Variants in TBC1D8 observed in about 807,000 individuals in gnomAD.
TBC1D8 encodes TBC1 domain family member 8.
Under a neutral mutation model 118.8 loss-of-function variants are expected in TBC1D8, and 65 were observed. The observed-to-expected ratio is 0.55, with a 90% confidence interval of 0.45 to 0.67. TBC1D8 has a LOEUF of 0.67. Ranked by LOEUF, TBC1D8 falls within the 30% of genes least tolerant of loss-of-function variation. The probability of loss-of-function intolerance (pLI) is 0.00; values close to 1 mark genes in which losing one functional copy is unlikely to be tolerated. For synonymous variants in TBC1D8, 566 were observed against 595.8 expected, an observed-to-expected ratio of 0.95 and a Z score of 0.73; for missense variants, 1,376 against 1,471.2, an observed-to-expected ratio of 0.94 and a Z score of 1.06.
At chr2:101,110,287 A>C (rs1223639432) in intron 1 of TBC1D8, among the ~76,000 whole-genome samples, 2 of 152,206 alleles carry the variant, frequency 1.3e-5, no homozygotes, top group Non-Finnish European at 2.9e-5. Flanking sequence ...TTTTATAACC[A>C]CTGTGTTGGG....
chr2:101,020,895 T>C (rs76062531), intron 17 of TBC1D8, among the ~76,000 whole-genome samples: 13 of 152,320 alleles, frequency 8.5e-5, no homozygotes, highest in African/African-American at 2.6e-4. Flanking sequence ...GGTGATCAGA[T>C]TGAAAAAATC....
intron 8 of TBC1D8, among the ~76,000 whole-genome samples, chr2:101,036,936 G>A (rs1314825847): frequency 1.3e-5 from 2 of 152,170 alleles, no homozygotes; most frequent in East Asian, 1.9e-4. Context: ...TTTTACAGGA[G>A]CCATTAAAGC....
chr2:101,008,234 A>C lies in TBC1D8; in HGVS notation c.3055T>G (p.Phe1019Val). Residue 1019 changes from phenylalanine (F) to valine (V), a missense_variant, in exon 20 of 20, where the codon TTC becomes GTC. Physicochemically the swap from Phe to Val is conservative, Grantham distance 50. Transcript: ENST00000409318. ...IQFCKTLYSM[F>V]HEDPEENDLY... The stretch of plus-strand genomic sequence containing the variant: ...TCATTTTCTTCTGGATCTTCATGGA[A>C]CATACTGTACAGAGTTTTACAGAAC... The C allele has an allele frequency of 6.3e-7, 1 of 1,587,724 alleles. No individual in the cohort carries two copies. Among genetic ancestry groups the C allele is most frequent in the South Asian group, 1.1e-5 (1 of 87,152 alleles).
intron 1 of TBC1D8, among the ~76,000 whole-genome samples, chr2:101,146,917 A>G (rs552079265): frequency 6.6e-6 from 1 of 152,252 alleles, no homozygotes; most frequent in Admixed American, 6.5e-5. Flanking sequence ...TTATAATACC[A>G]ACTTTTTAAG....
chr2:101,027,916 T>G (rs1305559552), intron 14 of TBC1D8, 132 bp downstream of exon 14: 1 of 781,546 alleles, frequency 1.3e-6, no homozygotes, highest in South Asian at 1.7e-5. Flanking sequence ...ACTTCACCCT[T>G]AAGTTGTTAA....
intron 1 of TBC1D8, among the ~76,000 whole-genome samples, chr2:101,147,327 T>C (rs976661711): frequency 5.9e-5 from 9 of 152,168 alleles, no homozygotes; most frequent in Admixed American, 5.2e-4. Context: ...TTCGAATATA[T>C]ACCCAGTAGC....
At chr2:101,066,021 C>T (rs1364786393) in intron 2 of TBC1D8, among the ~76,000 whole-genome samples, 1 of 152,156 alleles carries the variant, frequency 6.6e-6, no homozygotes, top group African/African-American at 2.4e-5. Flanking sequence ...GTGGCTCATG[C>T]CTGTAATCTC....
intron 1 of TBC1D8, among the ~76,000 whole-genome samples, chr2:101,093,843 G>A (rs576365461): frequency 1.4e-4 from 21 of 152,176 alleles, no homozygotes; most frequent in Non-Finnish European, 2.5e-4. Flanking sequence ...CCAAGTAGCC[G>A]AGATTACAGG....
intron 5 of TBC1D8, among the ~76,000 whole-genome samples, chr2:101,048,740 TAA>T (rs35930111): frequency 3.3e-4 from 43 of 132,226 alleles, no homozygotes; most frequent in African/African-American, 1.4e-3. Flanking sequence ...TAAGTCTTTT[TAA>T]AAAAAAAAAA....
intron 17 of TBC1D8, among the ~76,000 whole-genome samples, chr2:101,011,959 G>C (rs1404157506): frequency 1.3e-5 from 2 of 152,182 alleles, no homozygotes; most frequent in African/African-American, 4.8e-5. Context: ...TTTCAGGATA[G>C]TATTTCTCTA....
chr2:101,035,134 C>T (rs1304479717), intron 9 of TBC1D8, among the ~76,000 whole-genome samples: 3 of 152,144 alleles, frequency 2.0e-5, no homozygotes, highest in Non-Finnish European at 2.9e-5. Context: ...GGAAGAGTAA[C>T]GGAGCAGGGC....
At chr2:101,042,649 C>G (rs1422290139) in intron 5 of TBC1D8, among the ~76,000 whole-genome samples, 5 of 152,030 alleles carry the variant, frequency 3.3e-5, no homozygotes, top group Non-Finnish European at 5.9e-5. Flanking sequence ...TGTACAAGGG[C>G]TTTATCTTAA....
At chr2:101,124,145 C>A (rs1216853575) in intron 1 of TBC1D8, among the ~76,000 whole-genome samples, 1 of 152,194 alleles carries the variant, frequency 6.6e-6, no homozygotes, top group Non-Finnish European at 1.5e-5. Flanking sequence ...CCTCCCACTG[C>A]CACTGGATCT....
At chr2:101,137,927 G>A (rs568796548) in intron 1 of TBC1D8, among the ~76,000 whole-genome samples, 2 of 152,268 alleles carry the variant, frequency 1.3e-5, no homozygotes, top group Admixed American at 6.5e-5. Flanking sequence ...AAATACCCGC[G>A]ACTGGGTAAT....
At chr2:101,011,422 G>C (rs1254672319) in intron 18 of TBC1D8, 29 bp downstream of exon 18, 2 of 1,611,518 alleles carry the variant, frequency 1.2e-6, no homozygotes, top group East Asian at 4.5e-5. Context: ...GGTATGCAGG[G>C]GAAAGCAACA....
At chr2:101,072,065 T>A (rs938562086) in intron 2 of TBC1D8, among the ~76,000 whole-genome samples, 2 of 152,240 alleles carry the variant, frequency 1.3e-5, no homozygotes, top group Non-Finnish European at 2.9e-5. Flanking sequence ...TCCTTGTACA[T>A]CTTCATCAAG....
chr2:101,041,564 T>C (rs1023343921), intron 5 of TBC1D8, among the ~76,000 whole-genome samples: 3 of 152,140 alleles, frequency 2.0e-5, no homozygotes, highest in Non-Finnish European at 2.9e-5. Context: ...TGACTGCTCA[T>C]GGGTACATGG....
At chr2:101,052,580 G>A (rs796082700) in intron 4 of TBC1D8, among the ~76,000 whole-genome samples, 9 of 151,402 alleles carry the variant, frequency 5.9e-5, no homozygotes, top group African/African-American at 2.2e-4. Context: ...GGGTTCAAGC[G>A]ATTCTCGTGC....
rs533394868 is a variant in TBC1D8, at chr2:101,028,037, C to T, written c.2451+11G>A. 1 of 1,613,688 alleles carries T rather than the reference C, an allele frequency of 6.2e-7. No individual in the cohort carries two copies. The highest frequency in any genetic ancestry group is 1.1e-5 in the South Asian group (1 of 91,078). On this transcript the variant is annotated intron_variant, in intron 14 of 19. Coordinates refer to ENST00000409318, the MANE Select transcript of TBC1D8 (RefSeq NM_001330348.2). Reference sequence around the variant, plus strand: ...TACCGTGATCACCGGGGTGAGGCGTCTGCTACCCACCACGTTCTGCTTTGT... The same window carrying T: ...TACCGTGATCACCGGGGTGAGGCGTTTGCTACCCACCACGTTCTGCTTTGT...
Sources: gnomAD v4.1 joint callset for allele counts (sites outside exome capture counted in the v4.1 genomes callset) on GRCh38, gnomAD v4.1.1 for gene constraint, MANE v1.5 for transcripts, NCBI Gene and HGNC (gene_info 2026-07-23, HGNC 2026-07-21) for gene names.